ABLIM1: variants seen among roughly 807,000 people sequenced by gnomAD.
ABLIM1 encodes the protein actin-binding LIM protein 1.
ABLIM1 carries 40 observed loss-of-function variants against 107.0 expected under a neutral mutation model. The observed-to-expected ratio is 0.37, with a 90% CI of 0.29 to 0.49. ABLIM1 has a LOEUF of 0.49. ABLIM1 is among the 20% of genes least tolerant of loss of function. ABLIM1 has a pLI of 0.97. For synonymous variants in ABLIM1, 357 were observed against 357.3 expected (o/e 1.00, Z 0.01); for missense variants, 857 against 1,008.5 (o/e 0.85, Z 2.04).
chr10:114,776,448 A>G, the ABLIM1 span, among the ~76,000 whole-genome samples: 1 of 151,480 alleles, frequency 6.6e-6, no homozygotes, highest in African/African-American at 2.4e-5. Context: ...CCTCATCTCT[A>G]CTAAAAATAC....
chr10:114,672,401 A>G (rs1381348684), intron 1 of ABLIM1, among the ~76,000 whole-genome samples: 1 of 152,044 alleles, frequency 6.6e-6, no homozygotes, highest in African/African-American at 2.4e-5. Flanking sequence ...GGGTTTTACC[A>G]TGTTGGCCAG....
intron 6 of ABLIM1, among the ~76,000 whole-genome samples, chr10:114,517,589 C>T (rs370854329): frequency 2.0e-5 from 3 of 151,970 alleles, no homozygotes; most frequent in Non-Finnish European, 4.4e-5. Context: ...AAGGCATCAA[C>T]GACAGCGCAT....
At chr10:114,485,972 C>T (rs1490599184) in intron 8 of ABLIM1, among the ~76,000 whole-genome samples, 2 of 152,184 alleles carry the variant, frequency 1.3e-5, no homozygotes, top group Non-Finnish European at 2.9e-5. Flanking sequence ...ACGTGGGAGC[C>T]TCTTCCTCAC....
the ABLIM1 span, among the ~76,000 whole-genome samples, chr10:114,781,682 AT>A: frequency 6.3e-4 from 93 of 147,742 alleles, 1 homozygote; most frequent in African/African-American, 2.2e-3. Flanking sequence ...ATATATATAT[AT>A]ATATAATTAA....
chr10:114,499,100 A>C (rs1339000957), intron 6 of ABLIM1, among the ~76,000 whole-genome samples: 1 of 152,210 alleles, frequency 6.6e-6, no homozygotes, highest in Non-Finnish European at 1.5e-5. Flanking sequence ...CAGGTAGCTG[A>C]CTCAAGGTCC....
intron 1 of ABLIM1, chr10:114,690,126 T>C: frequency 3.1e-6 from 4 of 1,285,460 alleles, no homozygotes; most frequent in Non-Finnish European, 3.3e-6. Context: ...GTGGTTAAGA[T>C]AAAACACAAG....
intron 1 of ABLIM1, among the ~76,000 whole-genome samples, chr10:114,664,793 C>T (rs2079949936): frequency 6.6e-6 from 1 of 151,390 alleles, no homozygotes; most frequent in Non-Finnish European, 1.5e-5. Context: ...ATCCGCTCGC[C>T]TCAGCCTCCC....
chr10:114,492,012 C>T (rs2059069488), intron 6 of ABLIM1, 134 bp from the exon 7 acceptor site: 2 of 667,308 alleles, frequency 3.0e-6, no homozygotes, highest in Non-Finnish European at 4.8e-6. Context: ...GACCAAACTT[C>T]CTACACCAAC....
At chr10:114,471,539 CT>C (rs2066562616) in intron 10 of ABLIM1, among the ~76,000 whole-genome samples, 1 of 152,128 alleles carries the variant, frequency 6.6e-6, no homozygotes, top group Non-Finnish European at 1.5e-5. Context: ...GCAGCTACAG[CT>C]AAGTGACCAC....
chr10:114,629,237 G>A lies in ABLIM1; in HGVS notation c.245-27276C>T, dbSNP rs1218318156. On this transcript the variant is annotated intron_variant, in intron 1 of 22. Transcript: ENST00000533213. The surrounding 1 kb of genome is among the most constrained non-coding windows in gnomAD (Gnocchi z 4.0). Reference sequence around the variant, plus strand: ...TCCTAGAGAGAAAACTATGAGGCAAGCCAGTGTGAGCTCTAAGTGGCAAGC... The same window carrying A: ...TCCTAGAGAGAAAACTATGAGGCAAACCAGTGTGAGCTCTAAGTGGCAAGC... Among the ~76,000 whole-genome samples the A allele has an allele frequency of 9.9e-5, 15 of 152,148 alleles. No individual in the cohort carries two copies. The highest frequency in any genetic ancestry group is 9.8e-4 in the Admixed American group (15 of 15,268).
chr10:114,515,200 G>A (rs2062617243), intron 6 of ABLIM1, among the ~76,000 whole-genome samples: 1 of 152,218 alleles, frequency 6.6e-6, no homozygotes, highest in Non-Finnish European at 1.5e-5. Context: ...CAGCTACCCT[G>A]AGCTCACAAT....
In ABLIM1 at chr10:114,571,336, G is replaced by T. The variant is rs2071648754; in HGVS notation, c.634C>A (p.Pro212Thr). Reference protein sequence around the residue: ...RDCLCQLCAQPMSSSPKETTF... With the variant: ...RDCLCQLCAQTMSSSPKETTF... The stretch of plus-strand genomic sequence containing the variant: ...GTTTCTTTCGGACTGGACGACATCG[G>T]CTGTGCACAGAGTTGACAAAGGCAG... Residue 212 changes from proline (P) to threonine (T), a missense_variant, in exon 4 of 23, where the codon CCG becomes ACG. Physicochemically the swap from Pro to Thr is conservative, Grantham distance 38. Around this residue, in one of 5 missense-constraint regions of ABLIM1, gnomAD observed 381 missense variants for 506.9 expected, o/e 0.75. Coordinates refer to ENST00000533213, the MANE Select transcript of ABLIM1 (RefSeq NM_002313.7). The T allele has an allele frequency of 6.2e-7, 1 of 1,614,096 alleles. No individual in the cohort carries two copies.
the ABLIM1 span, among the ~76,000 whole-genome samples, chr10:114,800,106 G>C: frequency 6.6e-6 from 1 of 152,142 alleles, no homozygotes; most frequent in Admixed American, 6.5e-5. Context: ...AAAAAAAATT[G>C]AGTGTGTTTG....
intron 4 of ABLIM1, among the ~76,000 whole-genome samples, chr10:114,551,197 A>C (rs1159487852): frequency 6.6e-6 from 1 of 152,266 alleles, no homozygotes; most frequent in Non-Finnish European, 1.5e-5. Context: ...AGTGTTTTGC[A>C]TAATACAATG....
chr10:114,578,764 TTTTCTTTC>T (rs769267781), intron 2 of ABLIM1, among the ~76,000 whole-genome samples: 6 of 149,184 alleles, frequency 4.0e-5, no homozygotes, highest in African/African-American at 1.2e-4. Flanking sequence ...AGGTGTTTCT[TTTTCTTTC>T]TTTCTTTCTT....
At chr10:114,453,859 A>C (rs1405590289) in intron 12 of ABLIM1, among the ~76,000 whole-genome samples, 1 of 152,094 alleles carries the variant, frequency 6.6e-6, no homozygotes, top group East Asian at 1.9e-4. Context: ...CAAGCGTGTA[A>C]AGGAGCGGGC....
chr10:114,788,121 C>T, the ABLIM1 span, among the ~76,000 whole-genome samples: 2 of 151,736 alleles, frequency 1.3e-5, no homozygotes, highest in African/African-American at 4.8e-5. Context: ...TAAACAGACA[C>T]TTGAAGGCAG....
intron 2 of ABLIM1, among the ~76,000 whole-genome samples, chr10:114,598,780 C>A (rs185120423): frequency 6.6e-6 from 1 of 152,076 alleles, no homozygotes; most frequent in East Asian, 1.9e-4. Context: ...ACACCTTTCC[C>A]TTTTAACCTT....
chr10:114,624,282 A>G lies in ABLIM1; in HGVS notation c.245-22321T>C, dbSNP rs575879632. On this transcript the variant is annotated intron_variant, in intron 1 of 22. Transcript: ENST00000533213. ...CTTTGGCATAGGAGAAGCCAACAAT[A>G]CCAGGATCCTCTTTCTTGACCCCTA... is the stretch of plus-strand genomic sequence containing the variant. Among the ~76,000 whole-genome samples the G allele has an allele frequency of 3.3e-5, 5 of 152,248 alleles. 1 individual carries two copies. The South Asian group carries it at 1.0e-3, about 32-fold the overall frequency.
Sources: allele counts gnomAD v4.1 joint callset (sites outside exome capture counted in the v4.1 genomes callset), GRCh38; gene constraint gnomAD v4.1.1; regional missense constraint gnomAD v4.1.1; non-coding constraint Gnocchi (gnomAD v3.1); transcripts MANE v1.5; gene names NCBI Gene and HGNC (gene_info 2026-07-23, HGNC 2026-07-21).